OPRM1: variants seen among roughly 807,000 people sequenced by gnomAD.
OPRM1 encodes mu-type opioid receptor.
OPRM1 carries 27 observed loss-of-function variants against 31.8 expected under a neutral mutation model. The ratio of observed to expected loss-of-function variants is 0.85; its 90% CI spans 0.63 to 1.17. The LOEUF (loss-of-function observed/expected upper bound fraction) is 1.17. Among genes scored for constraint, OPRM1 ranks in the 50% most tolerant of loss-of-function variants. The probability of loss-of-function intolerance (pLI) is 0.00; values close to 1 mark genes in which losing one functional copy is unlikely to be tolerated. For synonymous variants in OPRM1, 196 were observed against 189.9 expected (o/e 1.03, Z -0.26); for missense variants, 536 against 511.1 (o/e 1.05, Z -0.47).
intron 3 of OPRM1, among the ~76,000 whole-genome samples, chr6:154,232,897 A>G (rs1055098090): frequency 2.0e-5 from 3 of 152,184 alleles, no homozygotes; most frequent in East Asian, 1.9e-4. Flanking sequence ...GGAAAGCAGG[A>G]AAAGGGGTGA....
intron 3 of OPRM1, among the ~76,000 whole-genome samples, chr6:154,233,458 T>C (rs1779877203): frequency 6.6e-6 from 1 of 152,214 alleles, no homozygotes; most frequent in Non-Finnish European, 1.5e-5. Flanking sequence ...AACATTACCC[T>C]ATGAATATAA....
intron 3 of OPRM1, chr6:154,094,136 G>A (rs970413036): frequency 9.5e-6 from 8 of 845,098 alleles, no homozygotes; most frequent in Non-Finnish European, 1.4e-5. Flanking sequence ...TTATGTATTT[G>A]TACTTTCTTT....
intron 1 of OPRM1, among the ~76,000 whole-genome samples, chr6:154,071,585 C>T (rs2128454114): frequency 6.6e-6 from 1 of 152,268 alleles, no homozygotes; most frequent in South Asian, 2.1e-4. Context: ...GATCTTGCTA[C>T]AGCAAGGAAT....
In OPRM1 at chr6:154,221,447, C is replaced by CA. The variant is rs1463281101; in HGVS notation, c.1165-25240dup. 5.2e-5 allele frequency: 40 copies of CA among 773,478 alleles called. 1 individual carries two copies. The East Asian group carries it at 1.0e-3, about 19-fold the overall frequency. 47.9% of individuals were successfully genotyped at this position (773,478 alleles called of 1,614,324 possible). ...CTTGTCTGCTTTCTTTGTAAATTTA[C>CA]AAAAAATAATTTAGTAATATTAGAT... On this transcript the variant is annotated intron_variant, in intron 3 of 3. Coordinates refer to the OPRM1 transcript ENST00000337049.
At position 154,131,796 on chromosome 6, in the gene OPRM1, A is replaced by T. The variant is rs566358775; in HGVS notation, c.*13075A>T. Among the ~76,000 whole-genome samples, 1 of 152,258 alleles carries T rather than the reference A, an allele frequency of 6.6e-6. No individual in the cohort carries two copies. Among genetic ancestry groups the T allele is most frequent in the African/African-American group, 2.4e-5 (1 of 41,544 alleles). On this transcript the variant is annotated 3_prime_UTR_variant, in exon 4 of 4. Coordinates refer to ENST00000330432, the MANE Select transcript of OPRM1 (RefSeq NM_000914.5). ...CTCTTTCCCCACATCTGCTTTTCAA[A>T]AATATTTGCCTGGAAACCTGTATTT...
intron 1 of OPRM1, among the ~76,000 whole-genome samples, chr6:154,033,912 T>C (rs930047110): frequency 2.0e-5 from 3 of 152,232 alleles, no homozygotes; most frequent in Non-Finnish European, 4.4e-5. Flanking sequence ...TAAGCAATCA[T>C]GAGTTCAACT....
intron 1 of OPRM1, among the ~76,000 whole-genome samples, chr6:154,013,597 T>C (rs1777845732): frequency 6.6e-6 from 1 of 152,162 alleles, no homozygotes; most frequent in South Asian, 2.1e-4. Flanking sequence ...CTTAGTAAAA[T>C]GAAGTATCAA....
At chr6:154,211,314 C>G (rs142122881) in intron 3 of OPRM1, among the ~76,000 whole-genome samples, 1 of 151,454 alleles carries the variant, frequency 6.6e-6, no homozygotes, top group East Asian at 1.9e-4. Flanking sequence ...GAGGCTGAGG[C>G]AGGAGAATGG....
At chr6:154,191,601 G>C (rs1306746298) in intron 3 of OPRM1, among the ~76,000 whole-genome samples, 1 of 151,970 alleles carries the variant, frequency 6.6e-6, no homozygotes, top group Non-Finnish European at 1.5e-5. Context: ...TTGAACCCAG[G>C]AGGTGGAGGT....
chr6:154,194,975 A>G (rs911097830), intron 3 of OPRM1, among the ~76,000 whole-genome samples: 1 of 152,114 alleles, frequency 6.6e-6, no homozygotes, highest in African/African-American at 2.4e-5. Context: ...TACAAAGGCC[A>G]AGATCAGTCT....
intron 1 of OPRM1, among the ~76,000 whole-genome samples, chr6:154,058,508 T>A (rs1421201048): frequency 1.3e-5 from 2 of 152,158 alleles, no homozygotes; most frequent in Non-Finnish European, 2.9e-5. Flanking sequence ...TTAGCCCACA[T>A]GAGAAACATC....
intron 1 of OPRM1, among the ~76,000 whole-genome samples, chr6:154,059,137 T>C (rs1442377253): frequency 6.6e-6 from 1 of 152,208 alleles, no homozygotes; most frequent in Non-Finnish European, 1.5e-5. Context: ...TTTTCCTTAT[T>C]GATAGGCTCT....
intron 3 of OPRM1, among the ~76,000 whole-genome samples, chr6:154,096,251 G>T (rs150569726): frequency 6.6e-6 from 1 of 151,980 alleles, no homozygotes. Context: ...GTGGAGATGG[G>T]GTTTCACCTT....
intron 3 of OPRM1, among the ~76,000 whole-genome samples, chr6:154,234,491 C>A (rs1779960984): frequency 6.6e-6 from 1 of 152,240 alleles, no homozygotes; most frequent in African/African-American, 2.4e-5. Context: ...GGATGCTATT[C>A]CCCTTGCAGA....
chr6:154,158,591 A>G (rs1391578821), intron 3 of OPRM1: 6 of 152,210 alleles, frequency 3.9e-5, no homozygotes, highest in Non-Finnish European at 8.8e-5. Context: ...GGGGTGGGGA[A>G]GAAAATGAAA....
Position 154,227,181 on chromosome 6 carries a change from G to T in OPRM1, c.1165-19512G>T, listed in dbSNP as rs556617048. ...ACCGCACCACTGCACTCCAGCCTGG[G>T]CAACAGAGCAAGATTCTGTCTCAAA... On this transcript the variant is annotated intron_variant, in intron 3 of 3. Coordinates refer to the OPRM1 transcript ENST00000337049. Among the ~76,000 whole-genome samples the T allele has an allele frequency of 1.6e-4, 24 of 151,932 alleles. No homozygotes were observed. The South Asian group carries it at 3.5e-3, about 22-fold the overall frequency.
chr6:154,089,952 C>T lies in OPRM1; in HGVS notation c.417C>T (p.Thr139=), dbSNP rs936910947. Residue 139 remains threonine (T), a synonymous_variant, in exon 2 of 4, where the codon ACC becomes ACT. Coordinates refer to ENST00000330432, the MANE Select transcript of OPRM1 (RefSeq NM_000914.5). The part of the protein sequence containing the change: ...NYLMGTWPFG[T]ILCKIVISID... ...TAATGGGAACATGGCCATTTGGAAC[C>T]ATCCTTTGCAAGATAGTGATCTCCA... is the stretch of plus-strand genomic sequence containing the variant. 6.2e-6 allele frequency: 10 copies of T among 1,613,836 alleles called. No homozygotes were observed. The highest frequency in any genetic ancestry group is 2.7e-5 in the African/African-American group (2 of 74,922).
Position 154,039,513 on chromosome 6 carries a change from C to A in OPRM1, c.-32C>A. 6.3e-7 allele frequency: 1 copy of A among 1,589,384 alleles called. No individual in the cohort carries two copies. Among genetic ancestry groups the A allele is most frequent in the East Asian group, 2.3e-5 (1 of 43,664 alleles). On this transcript the variant is annotated 5_prime_UTR_variant, in exon 1 of 4. The change creates a premature stop within an existing upstream ORF in the 5' untranslated region. Coordinates refer to ENST00000330432, the MANE Select transcript of OPRM1 (RefSeq NM_000914.5). ...AAAGTCTCGGTGCTCCTGGCTACCT[C>A]GCACAGCGGTGCCCGCCCGGCCGTC...
rs1160295304 is a variant in OPRM1 at position 154,090,131 on chromosome 6, C to T, written c.596C>T (p.Ala199Val). 6.2e-7 allele frequency: 1 copy of T among 1,613,936 alleles called. No homozygotes were observed. The highest frequency in any genetic ancestry group is 8.5e-7 in the Non-Finnish European group (1 of 1,179,912). The change falls in exon 2 of 4, where the codon GCC becomes GTC. Residue 199 changes from alanine to valine, a missense_variant. Physicochemically the swap from Ala to Val is moderately conservative, Grantham distance 64. Coordinates refer to ENST00000330432, the MANE Select transcript of OPRM1 (RefSeq NM_000914.5). ...INVCNWILSS[A>V]IGLPVMFMAT... ...GTCTGCAACTGGATCCTCTCTTCAG[C>T]CATTGGTCTTCCTGTAATGTTCATG...
Sources: allele counts gnomAD v4.1 joint callset (sites outside exome capture counted in the v4.1 genomes callset), GRCh38; gene constraint gnomAD v4.1.1; transcripts MANE v1.5; gene names NCBI Gene and HGNC (gene_info 2026-07-23, HGNC 2026-07-21).